The following ATG2A variants were observed in gnomAD, a reference collection of about 807,000 sequenced individuals.
ATG2A encodes autophagy related 2A, also known as autophagy-related protein 2 homolog A.
In ATG2A, 103 loss-of-function variants were observed where a neutral mutation model predicts 214.2. That is an observed-to-expected ratio of 0.48 (90% CI 0.41 to 0.57). The LOEUF is 0.57. Ranked by LOEUF, ATG2A falls within the 20% of genes least tolerant of loss-of-function variation. ATG2A has a pLI of 0.00. For synonymous variants in ATG2A, 1,160 were observed against 1,142.1 expected, an observed-to-expected ratio of 1.02 and a Z score of -0.32; for missense variants, 2,312 against 2,613.2, an observed-to-expected ratio of 0.88 and a Z score of 2.51.
rs1308612968 is a variant in ATG2A at position 64,910,674 on chromosome 11, G to A, written c.1649C>T (p.Ala550Val). The A allele has an allele frequency of 4.3e-6, 7 of 1,610,418 alleles. No homozygotes were observed. The highest frequency in any genetic ancestry group is 5.9e-6 in the Non-Finnish European group (7 of 1,178,578). The change falls in exon 12 of 41, where the codon GCC (alanine) becomes GTC (valine). Residue 550 changes from alanine to valine, a missense_variant. Physicochemically the swap from Ala to Val is moderately conservative, Grantham distance 64. Transcript: ENST00000377264. ...CAGATGGGCGCAGGGCCGAGCTGAGGCCTGGGAGCCCAGCGTACCAGGAAA... is the reference window on the plus strand; with the variant it reads ...CAGATGGGCGCAGGGCCGAGCTGAGACCTGGGAGCCCAGCGTACCAGGAAA... ...LTFPGTLGSQ[A>V]SARPCAHLRH... is the part of the protein sequence containing the mutation.
chr11:64,917,007 G>C lies in ATG2A; in HGVS notation c.129C>G (p.Tyr43Ter). 1 of 1,613,836 alleles carries C rather than the reference G, an allele frequency of 6.2e-7. No homozygotes were observed. The highest frequency in any genetic ancestry group is 8.5e-7 in the Non-Finnish European group (1 of 1,180,006). ...TGTCTCGCAGGGCAACGCTGCCCTT[G>C]TACAGATCGAGGCTGAGCTGGTCCA... ...LSLDQLSLDLYKGSVALRDIH... is the reference protein window; with the variant it reads ...LSLDQLSLDL The change falls in exon 1 of 41, where the codon TAC (tyrosine) becomes TAG (stop). Residue 43 changes from tyrosine (Y) to a stop codon, truncating the protein, a stop_gained. Coordinates refer to ENST00000377264, the MANE Select transcript of ATG2A (RefSeq NM_015104.3). LOFTEE classifies it high-confidence loss of function.
Position 64,909,825 on chromosome 11 carries a change from C to T in ATG2A, c.1963G>A (p.Glu655Lys), listed in dbSNP as rs1277862185. The T allele has an allele frequency of 1.9e-6, 3 of 1,610,984 alleles. No homozygotes were observed. The South Asian group carries it at 3.3e-5, about 18-fold the overall frequency. Reference sequence around the variant, plus strand: ...GCCTGGCCCGCCCAGGGGTCCGGCTCAGGCCGCAGGTCGGCAATGGGGAAG... The same window carrying T: ...GCCTGGCCCGCCCAGGGGTCCGGCTTAGGCCGCAGGTCGGCAATGGGGAAG... Reference protein sequence around the residue: ...LRFPIADLRPEPDPWAGQAVR... With the variant: ...LRFPIADLRPKPDPWAGQAVR... Residue 655 changes from glutamate to lysine, a missense_variant, in exon 14 of 41, where the codon GAG becomes AAG. By Grantham distance (56) the Glu-to-Lys change is moderately conservative. Transcript: ENST00000377264.
At position 64,910,164 on chromosome 11, in the gene ATG2A, C is replaced by A; in HGVS notation, c.1739G>T (p.Cys580Phe). The change falls in exon 13 of 41, where the codon TGC (cysteine) becomes TTC (phenylalanine). Residue 580 changes from cysteine to phenylalanine, a missense_variant. Transcript: ENST00000377264. ...SRPRRSVACH[C>F]HSELALDLAN... Reference sequence around the variant, plus strand: ...CAGGTCCAGGGCCAGTTCTGAGTGGCAATGGCAGGCAACTGAGCGCCGGGG... The same window carrying A: ...CAGGTCCAGGGCCAGTTCTGAGTGGAAATGGCAGGCAACTGAGCGCCGGGG... 6.2e-7 allele frequency: 1 copy of A among 1,608,146 alleles called. No individual in the cohort carries two copies.
chr11:64,908,116 T>G (rs1944625678), intron 16 of ATG2A, among the ~76,000 whole-genome samples: 1 of 152,252 alleles, frequency 6.6e-6, no homozygotes, highest in Admixed American at 6.5e-5. Flanking sequence ...ACAACAGGCC[T>G]GTGACACAGG....
intron 21 of ATG2A, 51 bp downstream of exon 21, chr11:64,906,283 G>A (rs747064045): frequency 1.9e-5 from 31 of 1,607,222 alleles, no homozygotes; most frequent in East Asian, 8.9e-5. Flanking sequence ...ACCGCACACC[G>A]GGGCTGCAGC....
Position 64,907,958 on chromosome 11 carries a change from T to C in ATG2A, c.2365-68A>G, listed in dbSNP as rs1014699118. 44 of 1,533,612 alleles carry C rather than the reference T, an allele frequency of 2.9e-5. No homozygotes were observed. The East Asian group carries it at 7.4e-4, about 26-fold the overall frequency. On this transcript the variant is annotated intron_variant, in intron 16 of 40. Transcript: ENST00000377264. ...GACGCTGGCTGGGGCCTGTCTCTGG[T>C]CTCAGTCCTGCCCTCCTGTCGTTCA... is the stretch of plus-strand genomic sequence containing the variant.
At position 64,894,939 on chromosome 11, in the gene ATG2A, G is replaced by A; in HGVS notation, c.*34C>T. 1.9e-6 allele frequency: 3 copies of A among 1,608,424 alleles called. No individual in the cohort carries two copies. Among genetic ancestry groups the A allele is most frequent in the Non-Finnish European group, 1.7e-6 (2 of 1,177,256 alleles). The stretch of plus-strand genomic sequence containing the variant: ...CTCTTGGGAGGCTCAGGAGCATGGT[G>A]GGCAGCACCCTCTGGGTGCCGGGCA... On this transcript the variant is annotated 3_prime_UTR_variant, in exon 41 of 41. Coordinates refer to ENST00000377264, the MANE Select transcript of ATG2A (RefSeq NM_015104.3).
rs1301957647 is a variant in ATG2A at position 64,910,798 on chromosome 11, T to C, written c.1614+9A>G. The stretch of plus-strand genomic sequence containing the variant: ...CCCCGCCTCGTACACATTCTGCCTC[T>C]GCCCTCACCTCCGTGTACTCAGGCT... On this transcript the variant is annotated intron_variant, in intron 11 of 40. Transcript: ENST00000377264. 2.5e-6 allele frequency: 4 copies of C among 1,610,846 alleles called. No individual in the cohort carries two copies. The highest frequency in any genetic ancestry group is 2.2e-5 in the East Asian group (1 of 44,698).
rs1313575844 is a variant in ATG2A at position 64,910,414 on chromosome 11, T to C, written c.1707+202A>G. ...GCAACAGAGGCCAGCCAGGGGGCCA[T>C]ATTGAGATAGGGCAAGGGCATGACC... On this transcript the variant is annotated intron_variant, in intron 12 of 40. Coordinates refer to ENST00000377264, the MANE Select transcript of ATG2A (RefSeq NM_015104.3). Among the ~76,000 whole-genome samples the C allele has an allele frequency of 2.6e-5, 4 of 152,148 alleles. 1 individual carries two copies. Among genetic ancestry groups the C allele is most frequent in the African/African-American group, 4.8e-5 (2 of 41,416 alleles).
At position 64,905,742 on chromosome 11, in the gene ATG2A, C is replaced by CTATA; in HGVS notation, c.3367_3370dup (p.Arg1124IlefsTer2). On this transcript the variant is annotated stop_gained and frameshift_variant and splice_region_variant, in exon 23 of 41. Coordinates refer to ENST00000377264, the MANE Select transcript of ATG2A (RefSeq NM_015104.3). LOFTEE classifies it high-confidence loss of function. ...GCCCCTGGCCCACCCAGCCTGGTAC[C>CTATA]TATAGTCCACAGAGCAGGAGAACAG... 1 of 1,613,944 alleles carries CTATA rather than the reference C, an allele frequency of 6.2e-7. No homozygotes were observed. Among genetic ancestry groups the CTATA allele is most frequent in the Non-Finnish European group, 8.5e-7 (1 of 1,180,004 alleles).
Position 64,909,761 on chromosome 11 carries a change from G to A in ATG2A, c.2027C>T (p.Pro676Leu), listed in dbSNP as rs1944692497. 1.2e-6 allele frequency: 2 copies of A among 1,612,916 alleles called. No individual in the cohort carries two copies. Among genetic ancestry groups the A allele is most frequent in the Non-Finnish European group, 8.5e-7 (1 of 1,180,000 alleles). The change falls in exon 14 of 41, where the codon CCC becomes CTC. Residue 676 changes from proline (P) to leucine (L), a missense_variant. By Grantham distance (98) the Pro-to-Leu change is moderately conservative (BLOSUM62 -3). Transcript: ENST00000377264. ...ACTGCTAAGCTCTGACCGGAACTGGGGCTCACTCAGCTCCAGCCGAAGCTG... is the reference window on the plus strand; with the variant it reads ...ACTGCTAAGCTCTGACCGGAACTGGAGCTCACTCAGCTCCAGCCGAAGCTG... ...AEQLRLELSEPQFRSELSSGP... is the reference protein window; with the variant it reads ...AEQLRLELSELQFRSELSSGP...
Position 64,913,094 on chromosome 11 carries a change from C to A in ATG2A, c.769G>T (p.Gly257Trp). Residue 257 changes from glycine to tryptophan, a missense_variant, in exon 6 of 41, where the codon GGG becomes TGG. Gly to Trp is a radical substitution (Grantham distance 184). Transcript: ENST00000377264. This position sits in a 1 kb window ranked among gnomAD's most constrained non-coding sequence, Gnocchi z 4.3. ...AACTTCACCATCAGCTCCATGTACCCTGAGCAGCTGCCGATCTGCAAGGGG... is the reference window on the plus strand; with the variant it reads ...AACTTCACCATCAGCTCCATGTACCATGAGCAGCTGCCGATCTGCAAGGGG... ...EPPLQIGSCS[G>W]YMELMVKLKQ... The A allele has an allele frequency of 6.3e-7, 1 of 1,575,718 alleles. No homozygotes were observed. The highest frequency in any genetic ancestry group is 8.6e-7 in the Non-Finnish European group (1 of 1,158,210).
In ATG2A at chr11:64,913,671, A is replaced by C; in HGVS notation, c.590+150T>G. On this transcript the variant is annotated intron_variant, in intron 4 of 40. Coordinates refer to ENST00000377264, the MANE Select transcript of ATG2A (RefSeq NM_015104.3). This position sits in a 1 kb window ranked among gnomAD's most constrained non-coding sequence, Gnocchi z 4.3. ...CTCTGGACACCAGTCCGGGCTCACG[A>C]TGCAGCCCACCTCCCCAACCCTACC... The C allele has an allele frequency of 2.3e-6, 2 of 863,546 alleles. No homozygotes were observed. Among genetic ancestry groups the C allele is most frequent in the Non-Finnish European group, 1.8e-6 (1 of 561,036 alleles). 53.5% of individuals were successfully genotyped at this position (863,546 alleles called of 1,614,324 possible). A position where few individuals can be genotyped will look rare whatever the true frequency, so the allele number is the denominator to read the frequency against.
In ATG2A at chr11:64,896,514, G is replaced by C; in HGVS notation, c.5375C>G (p.Ser1792Cys). ...GAGTTCCAGGGCGGCAGAGGCTGTG[G>C]ATGAGCCAAAGGAGGCAGCCCCTCG... is the stretch of plus-strand genomic sequence containing the variant. ...LQRGAASFGS[S>C]TASAALELSN... The change falls in exon 39 of 41, where the codon TCC becomes TGC. Residue 1792 changes from serine (S) to cysteine (C), a missense_variant. Physicochemically the swap from Ser to Cys is moderately radical, Grantham distance 112. Coordinates refer to ENST00000377264, the MANE Select transcript of ATG2A (RefSeq NM_015104.3). The C allele has an allele frequency of 1.2e-6, 2 of 1,614,006 alleles. No homozygotes were observed. Among genetic ancestry groups the C allele is most frequent in the South Asian group, 2.2e-5 (2 of 91,088 alleles).
At chr11:64,897,162 T>C (rs989702347) in intron 37 of ATG2A, 2 of 611,564 alleles carry the variant, frequency 3.3e-6, no homozygotes, top group African/African-American at 3.7e-5. Context: ...GGATTACATG[T>C]GTATGCCACC....
At chr11:64,908,483 C>T (rs111539697) in intron 16 of ATG2A, among the ~76,000 whole-genome samples, 4,646 of 151,724 alleles carry the variant, frequency 0.031, 222 homozygotes, top group African/African-American at 0.11. Flanking sequence ...GCCTGGGAGG[C>T]GGAGGTTGCG....
Position 64,903,087 on chromosome 11 carries a change from T to C in ATG2A, c.3612+201A>G, listed in dbSNP as rs1486958691. On this transcript the variant is annotated intron_variant, in intron 26 of 40. Transcript: ENST00000377264. The surrounding 1 kb of genome is among the most constrained non-coding windows in gnomAD (Gnocchi z 4.2). Reference sequence around the variant, plus strand: ...TGGTGGCAGGGCTGAAACCCATTCATTCATTCAGCCAGCATCAAGGGACAC... The same window carrying C: ...TGGTGGCAGGGCTGAAACCCATTCACTCATTCAGCCAGCATCAAGGGACAC... Among the ~76,000 whole-genome samples the C allele has an allele frequency of 6.6e-6, 1 of 152,184 alleles. No individual in the cohort carries two copies. The highest frequency in any genetic ancestry group is 1.9e-4 in the East Asian group (1 of 5,196).
chr11:64,909,258 A>G lies in ATG2A; in HGVS notation c.2204+13T>C. 1 of 1,613,206 alleles carries G rather than the reference A, an allele frequency of 6.2e-7. No homozygotes were observed. The highest frequency in any genetic ancestry group is 8.5e-7 in the Non-Finnish European group (1 of 1,179,752). On this transcript the variant is annotated intron_variant, in intron 15 of 40. Coordinates refer to ENST00000377264, the MANE Select transcript of ATG2A (RefSeq NM_015104.3). ...CCCTCCTCTCCTGGGCCCAGTCCAG[A>G]GCCCCTACTTACTGGGGCAGGAAGT...
chr11:64,898,633 T>C lies in ATG2A; in HGVS notation c.4671+3A>G. ...CAGGGTGGATGGTGCAGGTCGCTCATACCATGTTAGAGTGGGCACGTCGCG... is the reference window on the plus strand; with the variant it reads ...CAGGGTGGATGGTGCAGGTCGCTCACACCATGTTAGAGTGGGCACGTCGCG... On this transcript the variant is annotated splice_donor_region_variant and intron_variant, in intron 32 of 40. Transcript: ENST00000377264. The surrounding 1 kb of genome is among the most constrained non-coding windows in gnomAD (Gnocchi z 4.5). 2 of 1,613,216 alleles carry C rather than the reference T, an allele frequency of 1.2e-6. No homozygotes were observed. Among genetic ancestry groups the C allele is most frequent in the Non-Finnish European group, 8.5e-7 (1 of 1,179,260 alleles).
Sources: allele counts gnomAD v4.1 joint callset (sites outside exome capture counted in the v4.1 genomes callset), GRCh38; gene constraint gnomAD v4.1.1; non-coding constraint Gnocchi (gnomAD v3.1); transcripts MANE v1.5; gene names NCBI Gene and HGNC (gene_info 2026-07-23, HGNC 2026-07-21).